Variants in ELK4 observed in about 807,000 individuals in gnomAD.
ELK4 encodes the protein ETS transcription factor ELK4.
ELK4 carries 16 observed loss-of-function variants against 29.6 expected under a neutral mutation model. That is an observed-to-expected ratio of 0.54 (90% confidence interval 0.37 to 0.82). The LOEUF (loss-of-function observed/expected upper bound fraction) is 0.82, where lower values mean the gene tolerates loss of function less well. ELK4 is among the 40% of genes least tolerant of loss of function. The pLI, the probability that ELK4 is intolerant of heterozygous loss-of-function variation, is 0.00. For synonymous variants in ELK4, 213 were observed against 191.1 expected, an observed-to-expected ratio of 1.11 and a Z score of -0.95; for missense variants, 465 against 507.1, an observed-to-expected ratio of 0.92 and a Z score of 0.80.
rs1040500623 is a variant in ELK4 at position 205,609,783 on chromosome 1, C to A, written c.*6763G>T. Reference sequence around the variant, plus strand: ...TCAATTGCAAATTATTTTTAAAAATCGTAAATTTCTACAAAGCACAATATT... The same window carrying A: ...TCAATTGCAAATTATTTTTAAAAATAGTAAATTTCTACAAAGCACAATATT... On this transcript the variant is annotated 3_prime_UTR_variant, in exon 5 of 5. Coordinates refer to ENST00000357992, the MANE Select transcript of ELK4 (RefSeq NM_001973.4). The A allele has an allele frequency of 4.7e-6, 1 of 210,866 alleles. No individual in the cohort carries two copies. Among genetic ancestry groups the A allele is most frequent in the African/African-American group, 2.3e-5 (1 of 44,126 alleles). The allele number at this position is 210,866 out of a possible 1,614,324, so 13.1% of individuals were successfully genotyped here.
intron 1 of ELK4, among the ~76,000 whole-genome samples, chr1:205,626,954 G>C (rs1258438838): frequency 6.6e-6 from 1 of 152,144 alleles, no homozygotes; most frequent in African/African-American, 2.4e-5. Context: ...TCATAATGGG[G>C]TATCATCCAG....
intron 1 of ELK4, among the ~76,000 whole-genome samples, chr1:205,624,855 G>C (rs905778714): frequency 6.6e-6 from 1 of 152,066 alleles, no homozygotes; most frequent in Non-Finnish European, 1.5e-5. Flanking sequence ...AAGTCATCCC[G>C]GTAGATAACC....
rs772913268 is a variant in ELK4 at position 205,620,354 on chromosome 1, G to T, written c.692C>A (p.Pro231Gln). ...TGGGGCTTCCAGGGAAGGCAGTTTTGGGGAAACCAATGTCTCCAAAGCTTG... is the reference window on the plus strand; with the variant it reads ...TGGGGCTTCCAGGGAAGGCAGTTTTTGGGAAACCAATGTCTCCAAAGCTTG... ...TIQALETLVS[P>Q]KLPSLEAPTS... is the part of the protein sequence containing the mutation. Residue 231 changes from proline (P) to glutamine (Q), a missense_variant, in exon 3 of 5, where the codon CCA (proline) becomes CAA (glutamine). Around this residue, in one of 2 missense-constraint regions of ELK4, gnomAD observed 385 missense variants for 387.5 expected, o/e 0.99. Transcript: ENST00000357992. 1.4e-5 allele frequency: 23 copies of T among 1,614,042 alleles called. No homozygotes were observed. The highest frequency in any genetic ancestry group is 1.9e-5 in the Non-Finnish European group (22 of 1,180,034).
chr1:205,620,888 C>T, intron 2 of ELK4, 50 bp from the exon 3 acceptor site: 1 of 1,516,378 alleles, frequency 6.6e-7, no homozygotes, highest in Non-Finnish European at 8.8e-7. Flanking sequence ...AAACTTATAT[C>T]CCATAGTTCA....
rs1020589631 is a variant in ELK4, at chr1:205,610,082, A to G, written c.*6464T>C. On this transcript the variant is annotated 3_prime_UTR_variant, in exon 5 of 5. Transcript: ENST00000357992. ...AAAGTGCCAAGTGATTAACACCAAT[A>G]TATGGCATTCCCACCCCTGAACTTT... 1.3e-5 allele frequency: 3 copies of G among 232,086 alleles called. No individual in the cohort carries two copies. The highest frequency in any genetic ancestry group is 6.6e-5 in the African/African-American group (3 of 45,302). 14.4% of individuals were successfully genotyped at this position (232,086 alleles called of 1,614,324 possible).
At position 205,616,587 on chromosome 1, in the gene ELK4, A is replaced by T. The variant is rs768293916; in HGVS notation, c.1255T>A (p.Ser419Thr). Residue 419 changes from serine to threonine, a missense_variant, in exon 5 of 5, where the codon TCC (serine) becomes ACC (threonine). Physicochemically the swap from Ser to Thr is moderately conservative, Grantham distance 58. This residue lies in a region of ELK4 where 80 missense variants were observed against 119.6 expected (regional missense o/e 0.67). Coordinates refer to ENST00000357992, the MANE Select transcript of ELK4 (RefSeq NM_001973.4). ...PFTLSGLDGP[S>T]TPGPFSPDLQ... Reference sequence around the variant, plus strand: ...TCTGGGGAAAATGGGCCAGGGGTGGAAGGTCCATCCAGCCCAGACAGAGTG... The same window carrying T: ...TCTGGGGAAAATGGGCCAGGGGTGGTAGGTCCATCCAGCCCAGACAGAGTG... The T allele has an allele frequency of 6.2e-7, 1 of 1,614,182 alleles. No homozygotes were observed. The highest frequency in any genetic ancestry group is 8.5e-7 in the Non-Finnish European group (1 of 1,180,024).
rs1403813624 is a variant in ELK4 at position 205,610,931 on chromosome 1, T to C, written c.*5615A>G. The C allele has an allele frequency of 4.4e-6, 1 of 227,362 alleles. No individual in the cohort carries two copies. Among genetic ancestry groups the C allele is most frequent in the African/African-American group, 2.2e-5 (1 of 45,058 alleles). The allele number at this position is 227,362 out of a possible 1,614,324, so 14.1% of individuals were successfully genotyped here. ...AAGTTTTCAACCTCATAAAACTTCC[T>C]GATGTGGACTATACTCAAATGATTA... is the stretch of plus-strand genomic sequence containing the variant. On this transcript the variant is annotated 3_prime_UTR_variant, in exon 5 of 5. Transcript: ENST00000357992.
In ELK4 at chr1:205,620,460, A is replaced by G; in HGVS notation, c.586T>C (p.Ser196Pro). Residue 196 changes from serine (S) to proline (P), a missense_variant, in exon 3 of 5, where the codon TCC (serine) becomes CCC (proline). Coordinates refer to ENST00000357992, the MANE Select transcript of ELK4 (RefSeq NM_001973.4). Reference protein sequence around the residue: ...PSVIKFVTTPSKKPPVEPVAA... With the variant: ...PSVIKFVTTPPKKPPVEPVAA... ...ACAGGTTCAACCGGTGGCTTTTTGGAAGGTGTCGTGACAAATTTGATGACA... is the reference window on the plus strand; with the variant it reads ...ACAGGTTCAACCGGTGGCTTTTTGGGAGGTGTCGTGACAAATTTGATGACA... 6.2e-7 allele frequency: 1 copy of G among 1,614,084 alleles called. No homozygotes were observed. Among genetic ancestry groups the G allele is most frequent in the Non-Finnish European group, 8.5e-7 (1 of 1,180,010 alleles).
chr1:205,623,863 A>G lies in ELK4; in HGVS notation c.20T>C (p.Leu7Pro), dbSNP rs777145824. Residue 7 changes from leucine (L) to proline (P), a missense_variant, in exon 2 of 5, where the codon CTG becomes CCG. Around this residue, in one of 2 missense-constraint regions of ELK4, gnomAD observed 385 missense variants for 387.5 expected, o/e 0.99. Transcript: ENST00000357992. MDSAIT[L>P]WQFLLQLLQK... ...CAGGAGCTGAAGAAGGAACTGCCAC[A>G]GGGTGATAGCACTGTCCATAGCAAT... is the stretch of plus-strand genomic sequence containing the variant. 1 of 1,614,208 alleles carries G rather than the reference A, an allele frequency of 6.2e-7. No homozygotes were observed.
At chr1:205,616,699 T>C in intron 4 of ELK4, 55 bp from the exon 5 acceptor site, 3 of 1,504,900 alleles carry the variant, frequency 2.0e-6, no homozygotes, top group South Asian at 1.2e-5. Context: ...CAACTTTTAC[T>C]TTCTATCCTA....
intron 1 of ELK4, among the ~76,000 whole-genome samples, chr1:205,629,170 C>CAAAAAAAAAAAAAAAAAAAAAAAA (rs61374496): frequency 1.5e-4 from 14 of 92,288 alleles, no homozygotes; most frequent in African/African-American, 5.9e-4. Context: ...GACTACGTCT[C>CAAAAAAAAAAAAAAAAAAAAAAAA]AAAAAAAAAA....
At chr1:205,625,722 AG>A in intron 1 of ELK4, 1 of 715,508 alleles carries the variant, frequency 1.4e-6, no homozygotes, top group South Asian at 1.4e-5. Flanking sequence ...TCTGTCACCC[AG>A]GCTGGAGTGC....
rs550166434 is a variant in ELK4, at chr1:205,612,634, A to G, written c.*3912T>C. On this transcript the variant is annotated 3_prime_UTR_variant, in exon 5 of 5. Coordinates refer to ENST00000357992, the MANE Select transcript of ELK4 (RefSeq NM_001973.4). ...GTACTGAGTGGCTCTAAATGTGCTT[A>G]CATTCACCAAAAACATAAAAGGACA... The G allele has an allele frequency of 4.8e-6, 1 of 210,106 alleles. No individual in the cohort carries two copies. Among genetic ancestry groups the G allele is most frequent in the South Asian group, 1.9e-4 (1 of 5,332 alleles). The allele number at this position is 210,106 out of a possible 1,614,324, so 13.0% of individuals were successfully genotyped here.
chr1:205,609,059 G>A lies in ELK4; in HGVS notation c.*7487C>T. Reference sequence around the variant, plus strand: ...ACTTGACGGTTCAGAAACTGCCACTGCCACTGTGGTTAAATCACTTGGTGT... The same window carrying A: ...ACTTGACGGTTCAGAAACTGCCACTACCACTGTGGTTAAATCACTTGGTGT... On this transcript the variant is annotated 3_prime_UTR_variant, in exon 5 of 5. Transcript: ENST00000357992. The A allele has an allele frequency of 5.3e-6, 1 of 188,392 alleles. No homozygotes were observed. The highest frequency in any genetic ancestry group is 1.1e-5 in the Non-Finnish European group (1 of 89,434). 11.7% of individuals were successfully genotyped at this position (188,392 alleles called of 1,614,324 possible).
rs942927780 is a variant in ELK4, at chr1:205,619,997, G to A, written c.1049C>T (p.Thr350Ile). Residue 350 changes from threonine to isoleucine, a missense_variant, in exon 3 of 5, where the codon ACA becomes ATA. Thr to Ile is a moderately conservative substitution (Grantham distance 89). Around this residue, in one of 2 missense-constraint regions of ELK4, gnomAD observed 80 missense variants for 119.6 expected, o/e 0.67. Coordinates refer to ENST00000357992, the MANE Select transcript of ELK4 (RefSeq NM_001973.4). Reference sequence around the variant, plus strand: ...AAAAAATGCTGGTGTAAGAGAAGCTGTAGGGAGAGATGGGCTCAGTATTCC... The same window carrying A: ...AAAAAATGCTGGTGTAAGAGAAGCTATAGGGAGAGATGGGCTCAGTATTCC... ...PLGILSPSLP[T>I]ASLTPAFFSQ... 13 of 1,614,138 alleles carry A rather than the reference G, an allele frequency of 8.1e-6. No individual in the cohort carries two copies. Among genetic ancestry groups the A allele is most frequent in the Non-Finnish European group, 1.1e-5 (13 of 1,180,048 alleles).
intron 1 of ELK4, among the ~76,000 whole-genome samples, chr1:205,626,581 AT>A (rs1670468564): frequency 6.6e-6 from 1 of 152,134 alleles, no homozygotes; most frequent in South Asian, 2.1e-4. Context: ...CAAAAAAAAA[AT>A]GCTCTACATA....
intron 4 of ELK4, among the ~76,000 whole-genome samples, chr1:205,617,974 T>C (rs764181969): frequency 7.2e-6 from 1 of 139,036 alleles, no homozygotes; most frequent in East Asian, 2.2e-4. Context: ...TATGTGTGTG[T>C]GTGTGTGTGT....
At chr1:205,622,328 C>T (rs886394229) in intron 2 of ELK4, among the ~76,000 whole-genome samples, 1 of 152,068 alleles carries the variant, frequency 6.6e-6, no homozygotes, top group Non-Finnish European at 1.5e-5. Context: ...ATTTGTGTTC[C>T]CTGGGTTAAA....
rs1190208785 is a variant in ELK4, at chr1:205,620,177, A to T, written c.869T>A (p.Met290Lys). 2 of 1,614,226 alleles carry T rather than the reference A, an allele frequency of 1.2e-6. No homozygotes were observed. The highest frequency in any genetic ancestry group is 1.1e-5 in the South Asian group (1 of 91,090). The stretch of plus-strand genomic sequence containing the variant: ...CAGTGACAAATTCTCTGGAAGTTCC[A>T]TTGGCTGAGAAGCCACTGAATCAAT... ...TDIDSVASQP[M>K]ELPENLSLEP... is the part of the protein sequence containing the mutation. The change falls in exon 3 of 5, where the codon ATG (methionine) becomes AAG (lysine). Residue 290 changes from methionine to lysine, a missense_variant. Physicochemically the swap from Met to Lys is moderately conservative, Grantham distance 95. Around this residue, in one of 2 missense-constraint regions of ELK4, gnomAD observed 385 missense variants for 387.5 expected, o/e 0.99. Coordinates refer to ENST00000357992, the MANE Select transcript of ELK4 (RefSeq NM_001973.4).
Sources: allele counts gnomAD v4.1 joint callset (sites outside exome capture counted in the v4.1 genomes callset), GRCh38; gene constraint gnomAD v4.1.1; regional missense constraint gnomAD v4.1.1; transcripts MANE v1.5; gene names NCBI Gene and HGNC (gene_info 2026-07-23, HGNC 2026-07-21).